Variants in G6PD observed in about 807,000 individuals in gnomAD.
G6PD encodes the protein glucose-6-phosphate dehydrogenase, also known as glucose-6-phosphate 1-dehydrogenase.
In G6PD, 2 loss-of-function variants were observed where a neutral mutation model predicts 38.2. The ratio of observed to expected loss-of-function variants is 0.05; its 90% CI spans 0.02 to 0.16. The LOEUF (loss-of-function observed/expected upper bound fraction) is 0.16, where lower values mean the gene tolerates loss of function less well. Among genes scored for constraint, G6PD ranks in the 10% least tolerant of loss-of-function variants. The probability of loss-of-function intolerance (pLI) is 1.00; values close to 1 mark genes in which losing one functional copy is unlikely to be tolerated. For synonymous variants in G6PD, 188 were observed against 196.0 expected (o/e 0.96, Z 0.34); for missense variants, 310 against 471.6 (o/e 0.66, Z 3.17).
intron 2 of G6PD, among the ~76,000 whole-genome samples, chrX:154,539,920 GC>G: frequency 9.1e-6 from 1 of 109,775 alleles, no homozygotes; most frequent in East Asian, 3.0e-4. Flanking sequence ...ATGGGGTTTC[GC>G]CATGTTGGCC....
chrX:154,534,547 T>A (rs781954990), intron 5 of G6PD, 51 bp from the exon 6 acceptor site: 2 of 1,193,275 alleles, frequency 1.7e-6, no homozygotes, highest in African/African-American at 3.5e-5. Context: ...CTTCGGGGAG[T>A]GAGGATCAGA....
chrX:154,533,611 C>T lies in G6PD; in HGVS notation c.829G>A (p.Ala277Thr), dbSNP rs1557230050. 2 of 1,212,094 alleles carry T rather than the reference C, an allele frequency of 1.7e-6. No homozygotes were observed. The highest frequency in any genetic ancestry group is 2.2e-6 in the Non-Finnish European group (2 of 895,549). ...CGGACGTCATCTGAGTTGGTGGAGG[C>T]GGGCTTCTCCATGGCCACCAGACAC... ...MLCLVAMEKP[A>T]STNSDDVRDE... Residue 277 changes from alanine to threonine, a missense_variant, in exon 8 of 13, where the codon GCC becomes ACC. This residue lies in a region of G6PD where 168 missense variants were observed against 309.2 expected (regional missense o/e 0.54). Coordinates refer to ENST00000393562, the MANE Select transcript of G6PD (RefSeq NM_001360016.2).
At chrX:154,536,885 T>C (rs2070414376) in intron 2 of G6PD, among the ~76,000 whole-genome samples, 1 of 109,653 alleles carries the variant, frequency 9.1e-6, no homozygotes, top group South Asian at 3.8e-4. Context: ...AGGAAGAAAA[T>C]AGGAAATAAT....
chrX:154,545,184 A>C (rs1557232902), intron 2 of G6PD, among the ~76,000 whole-genome samples: 8 of 111,169 alleles, frequency 7.2e-5, no homozygotes, highest in Non-Finnish European at 1.5e-4. Context: ...TCCTCATGCT[A>C]TACTATTCTT....
intron 4 of G6PD, 83 bp downstream of exon 4, chrX:154,535,854 G>T (rs1356808272): frequency 1.8e-5 from 14 of 778,381 alleles, no homozygotes; most frequent in Non-Finnish European, 2.7e-5. Context: ...GGGATGGGAT[G>T]GGGGGAGGTC....
At chrX:154,546,702 CAACA>C (rs1339864139) in intron 1 of G6PD, 83 bp downstream of exon 1, 13 of 806,670 alleles carry the variant, frequency 1.6e-5, no homozygotes, top group Non-Finnish European at 1.9e-5. Flanking sequence ...TTCTCAAGCA[CAACA>C]AACAGCGTGT....
intron 2 of G6PD, among the ~76,000 whole-genome samples, chrX:154,538,592 G>T (rs1335438630): frequency 8.9e-6 from 1 of 111,735 alleles, no homozygotes; most frequent in African/African-American, 3.3e-5. Flanking sequence ...AGCAGAGGGG[G>T]AATGCAAGGG....
chrX:154,533,296 A>G (rs782643504), intron 8 of G6PD, 168 bp from the exon 9 acceptor site: 1 of 558,541 alleles, frequency 1.8e-6, no homozygotes, highest in South Asian at 2.8e-5. Context: ...ACCCTCCAGG[A>G]CCACCCTGGT....
intron 2 of G6PD, chrX:154,542,127 A>G (rs1458635019): frequency 6.7e-6 from 3 of 446,895 alleles, no homozygotes; most frequent in Non-Finnish European, 1.1e-5. Flanking sequence ...CAACATCATC[A>G]TGACACAGCA....
chrX:154,540,925 C>G (rs191938568), intron 2 of G6PD, among the ~76,000 whole-genome samples: 1 of 111,418 alleles, frequency 9.0e-6, no homozygotes, highest in Non-Finnish European at 1.9e-5. Context: ...ACTGCTGCAC[C>G]CTTCAAAGTC....
At chrX:154,543,558 C>T (rs2070589022) in intron 2 of G6PD, among the ~76,000 whole-genome samples, 1 of 112,279 alleles carries the variant, frequency 8.9e-6, no homozygotes, top group Non-Finnish European at 1.9e-5. Flanking sequence ...GTTGCAGTGC[C>T]TTGTGACAGC....
intron 2 of G6PD, chrX:154,542,574 T>G (rs2070546769): frequency 1.1e-6 from 1 of 930,148 alleles, no homozygotes; most frequent in Non-Finnish European, 1.4e-6. Context: ...TGTGGGCAAG[T>G]GTGAGGTAAG....
rs1557230626 is a variant in G6PD at position 154,535,330 on chromosome X, A to T, written c.323T>A (p.Val108Glu). Residue 108 changes from valine (V) to glutamate (E), a missense_variant, in exon 5 of 13, where the codon GTG becomes GAG. Coordinates refer to ENST00000393562, the MANE Select transcript of G6PD (RefSeq NM_001360016.2). ...GGCTGCATCATCGTACTGGCCAGCC[A>T]CATAGGAGTTGCGGGCAAAGAAGTC... ...LEDFFARNSY[V>E]AGQYDDAASY... 6.6e-6 allele frequency: 8 copies of T among 1,212,195 alleles called. No individual in the cohort carries two copies. In the South Asian group the frequency reaches 1.4e-4, roughly 21 times the overall value.
intron 2 of G6PD, chrX:154,542,489 G>A (rs2148340891): frequency 4.4e-6 from 5 of 1,145,580 alleles, no homozygotes; most frequent in Non-Finnish European, 4.6e-6. Flanking sequence ...AGGGGTGGGA[G>A]TCCTGAGAAG....
At chrX:154,546,647 G>C in intron 1 of G6PD, 142 bp downstream of exon 1, 1 of 515,065 alleles carries the variant, frequency 1.9e-6, no homozygotes, top group Non-Finnish European at 3.1e-6. Context: ...GAGAGGAGGT[G>C]CGGGGTATAA....
At chrX:154,545,671 C>T (rs1272824913) in intron 2 of G6PD, 2 of 220,290 alleles carry the variant, frequency 9.1e-6, no homozygotes, top group African/African-American at 3.0e-5. Flanking sequence ...TCCGTCTCTA[C>T]TAACAATACA....
chrX:154,539,799 T>C (rs926399752), intron 2 of G6PD, among the ~76,000 whole-genome samples: 1 of 110,334 alleles, frequency 9.1e-6, no homozygotes, highest in Non-Finnish European at 1.9e-5. Context: ...CTTGGCTCAC[T>C]GAAATCTCCA....
At chrX:154,535,729 G>T in intron 4 of G6PD, 1 of 462,615 alleles carries the variant, frequency 2.2e-6, no homozygotes, top group Non-Finnish European at 3.8e-6. Flanking sequence ...CGGAGAAAAC[G>T]CAGCAGAGCA....
Position 154,532,582 on chromosome X carries a change from G to A in G6PD, c.1272C>T (p.Tyr424=), listed in dbSNP as rs186843026. The change falls in exon 10 of 13, where the codon TAC becomes TAT. Residue 424 remains tyrosine, a synonymous_variant. Coordinates refer to ENST00000393562, the MANE Select transcript of G6PD (RefSeq NM_001360016.2). The part of the protein sequence containing the change: ...NPEESELDLT[Y]GNRYKNVKLP... ...TGTAGGGCACCTTGTATCTGTTGCC[G>A]TAGGTCAGGTCCAGCTCCGACTCCT... The A allele has an allele frequency of 1.9e-5, 23 of 1,210,801 alleles. No homozygotes were observed. Among genetic ancestry groups the A allele is most frequent in the African/African-American group, 1.7e-4 (10 of 57,601 alleles).
Sources: allele counts gnomAD v4.1 joint callset (sites outside exome capture counted in the v4.1 genomes callset), GRCh38; gene constraint gnomAD v4.1.1; regional missense constraint gnomAD v4.1.1; transcripts MANE v1.5; gene names NCBI Gene and HGNC (gene_info 2026-07-23, HGNC 2026-07-21).